DPP9: variants seen among roughly 807,000 people sequenced by gnomAD.
DPP9 encodes the protein dipeptidyl peptidase IV-related protein-2.
DPP9 carries 50 observed loss-of-function variants against 110.7 expected under a neutral mutation model. The observed-to-expected ratio is 0.45, with a 90% CI of 0.36 to 0.57. The LOEUF is 0.57. Ranked by LOEUF, DPP9 falls within the 20% of genes least tolerant of loss-of-function variation. The pLI is 0.00. For synonymous variants in DPP9, 561 were observed against 514.4 expected (o/e 1.09, Z -1.23); for missense variants, 1,022 against 1,217.9 (o/e 0.84, Z 2.39).
In DPP9 at chr19:4,695,134, G is replaced by C. The variant is rs1434911563; in HGVS notation, c.1353+244C>G. 1 of 580,012 alleles carries C rather than the reference G, an allele frequency of 1.7e-6. No homozygotes were observed. The highest frequency in any genetic ancestry group is 1.9e-5 in the African/African-American group (1 of 52,996). The allele number at this position is 580,012 out of a possible 1,614,324, so 35.9% of individuals were successfully genotyped here. A position where few individuals can be genotyped will look rare whatever the true frequency, so the allele number is the denominator to read the frequency against. On this transcript the variant is annotated intron_variant, in intron 12 of 21. Coordinates refer to ENST00000262960, the MANE Select transcript of DPP9 (RefSeq NM_139159.5). This position sits in a 1 kb window ranked among gnomAD's most constrained non-coding sequence, Gnocchi z 4.7. ...CCACTGCACTCTAGTCTGGGCAACA[G>C]AGCAACCCTGTCTCTAATTAAAGAA...
At chr19:4,699,521 G>A (rs1261112086) in intron 10 of DPP9, among the ~76,000 whole-genome samples, 1 of 152,154 alleles carries the variant, frequency 6.6e-6, no homozygotes, top group African/African-American at 2.4e-5. Context: ...GGGATATGCT[G>A]GGCTGCAGGG....
At chr19:4,696,512 G>A (rs1222869605) in intron 11 of DPP9, among the ~76,000 whole-genome samples, 1 of 151,344 alleles carries the variant, frequency 6.6e-6, no homozygotes, top group African/African-American at 2.4e-5. Context: ...TGTAATCCCA[G>A]CACTTTGGGA....
rs2090640600 is a variant in DPP9 at position 4,685,946 on chromosome 19, T to C, written c.1886-175A>G. On this transcript the variant is annotated intron_variant, in intron 16 of 21. Coordinates refer to ENST00000262960, the MANE Select transcript of DPP9 (RefSeq NM_139159.5). This position sits in a 1 kb window ranked among gnomAD's most constrained non-coding sequence, Gnocchi z 5.8. The stretch of plus-strand genomic sequence containing the variant: ...TTTTTTTTTCATTAAATAAGATTTG[T>C]ACAGTTTTTGTAGAGATGGGGTCTT... 1 of 704,378 alleles carries C rather than the reference T, an allele frequency of 1.4e-6. No individual in the cohort carries two copies. The highest frequency in any genetic ancestry group is 2.3e-6 in the Non-Finnish European group (1 of 444,060). The allele number at this position is 704,378 out of a possible 1,614,324, so 43.6% of individuals were successfully genotyped here. A position where few individuals can be genotyped will look rare whatever the true frequency, so the allele number is the denominator to read the frequency against.
At position 4,693,243 on chromosome 19, in the gene DPP9, T is replaced by C. The variant is rs1027171459; in HGVS notation, c.1516+1418A>G. Among the ~76,000 whole-genome samples, 1 of 152,164 alleles carries C rather than the reference T, an allele frequency of 6.6e-6. No individual in the cohort carries two copies. Among genetic ancestry groups the C allele is most frequent in the African/African-American group, 2.4e-5 (1 of 41,532 alleles). On this transcript the variant is annotated intron_variant, in intron 13 of 21. Transcript: ENST00000262960. This position sits in a 1 kb window ranked among gnomAD's most constrained non-coding sequence, Gnocchi z 5.0. Reference sequence around the variant, plus strand: ...CGTCCATGGTGTCCCTGCTCTAACTTTGAAGAGCCTGGGCCGGGCTCCCGG... The same window carrying C: ...CGTCCATGGTGTCCCTGCTCTAACTCTGAAGAGCCTGGGCCGGGCTCCCGG...
chr19:4,687,746 G>A lies in DPP9; in HGVS notation c.1885+1011C>T, dbSNP rs1265147397. Among the ~76,000 whole-genome samples, 4 of 152,196 alleles carry A rather than the reference G, an allele frequency of 2.6e-5. No individual in the cohort carries two copies. The highest frequency in any genetic ancestry group is 5.9e-5 in the Non-Finnish European group (4 of 68,028). On this transcript the variant is annotated intron_variant, in intron 16 of 21. Coordinates refer to ENST00000262960, the MANE Select transcript of DPP9 (RefSeq NM_139159.5). The surrounding 1 kb of genome is among the most constrained non-coding windows in gnomAD (Gnocchi z 4.7). ...GATAACCACGGCGGGTTTCAAACCA[G>A]TGTGGGTGGACTCTGACATCCCGGC...
intron 13 of DPP9, among the ~76,000 whole-genome samples, chr19:4,691,669 A>C (rs2091331334): frequency 4.1e-5 from 5 of 120,626 alleles, no homozygotes; most frequent in Non-Finnish European, 6.9e-5. Context: ...GTAAAACCAG[A>C]CTTTTTTTTT....
Position 4,695,641 on chromosome 19 carries a change from A to T in DPP9, c.1176-86T>A. ...GAGAAGCTGGGGACGCAGCGTCCAA[A>T]CCCGTGTGGAATCAGGGCTGGGCTT... is the stretch of plus-strand genomic sequence containing the variant. On this transcript the variant is annotated intron_variant, in intron 11 of 21. Coordinates refer to ENST00000262960, the MANE Select transcript of DPP9 (RefSeq NM_139159.5). The surrounding 1 kb of genome is among the most constrained non-coding windows in gnomAD (Gnocchi z 4.7). 1 of 1,225,036 alleles carries T rather than the reference A, an allele frequency of 8.2e-7. No homozygotes were observed. The highest frequency in any genetic ancestry group is 3.4e-5 in the Admixed American group (1 of 29,202). The allele number at this position is 1,225,036 out of a possible 1,614,324, so 75.9% of individuals were successfully genotyped here. A position where few individuals can be genotyped will look rare whatever the true frequency, so the allele number is the denominator to read the frequency against.
intron 4 of DPP9, among the ~76,000 whole-genome samples, chr19:4,709,446 CAG>C (rs1274787772): frequency 1.3e-5 from 2 of 152,022 alleles, no homozygotes; most frequent in African/African-American, 2.4e-5. Context: ...TGCGGAGACT[CAG>C]GGGTGAGCAA....
At position 4,704,107 on chromosome 19, in the gene DPP9, C is replaced by T. The variant is rs752429713; in HGVS notation, c.600+24G>A. 1 of 1,613,796 alleles carries T rather than the reference C, an allele frequency of 6.2e-7. No homozygotes were observed. Among genetic ancestry groups the T allele is most frequent in the Admixed American group, 1.7e-5 (1 of 60,026 alleles). On this transcript the variant is annotated intron_variant, in intron 6 of 21. Coordinates refer to ENST00000262960, the MANE Select transcript of DPP9 (RefSeq NM_139159.5). This position sits in a 1 kb window ranked among gnomAD's most constrained non-coding sequence, Gnocchi z 6.0. ...GGAGGGGCCCTCCACGCCACCCCCG[C>T]ACACAGCCAGGGCCAGGGCTCACCA...
intron 4 of DPP9, among the ~76,000 whole-genome samples, chr19:4,708,533 A>G (rs915329008): frequency 6.6e-6 from 1 of 152,232 alleles, no homozygotes; most frequent in African/African-American, 2.4e-5. Flanking sequence ...ACATGGAATC[A>G]GCCTAAATCC....
At position 4,693,600 on chromosome 19, in the gene DPP9, A is replaced by G. The variant is rs1429263266; in HGVS notation, c.1516+1061T>C. Among the ~76,000 whole-genome samples, 1 of 152,046 alleles carries G rather than the reference A, an allele frequency of 6.6e-6. No individual in the cohort carries two copies. The highest frequency in any genetic ancestry group is 1.5e-5 in the Non-Finnish European group (1 of 67,984). ...GCAAACGGTGTGGGCTCAGCTGTCC[A>G]AGCACATCCAGAATCAGACCCACCA... On this transcript the variant is annotated intron_variant, in intron 13 of 21. Transcript: ENST00000262960. This position sits in a 1 kb window ranked among gnomAD's most constrained non-coding sequence, Gnocchi z 5.0.
chr19:4,685,092 T>C lies in DPP9; in HGVS notation c.2032-283A>G, dbSNP rs1182684398. ...AACAACTACTCTGGCATGATGGACA[T>C]TGGGGTGGCTCCTTCTCGGGTGGGG... On this transcript the variant is annotated intron_variant, in intron 17 of 21. Coordinates refer to ENST00000262960, the MANE Select transcript of DPP9 (RefSeq NM_139159.5). The surrounding 1 kb of genome is among the most constrained non-coding windows in gnomAD (Gnocchi z 5.8). The C allele has an allele frequency of 3.2e-5, 20 of 616,256 alleles. No individual in the cohort carries two copies. Among genetic ancestry groups the C allele is most frequent in the Non-Finnish European group, 5.8e-5 (19 of 330,130 alleles). 38.2% of individuals were successfully genotyped at this position (616,256 alleles called of 1,614,324 possible).
In DPP9 at chr19:4,704,134, G is replaced by A; in HGVS notation, c.597C>T (p.Phe199=). Residue 199 remains phenylalanine (F), a synonymous_variant, in exon 6 of 22, where the codon TTC becomes TTT. Transcript: ENST00000262960. This position sits in a 1 kb window ranked among gnomAD's most constrained non-coding sequence, Gnocchi z 6.0. ...CACAGCCAGGGCCAGGGCTCACCAT[G>A]AAGCCGTTCTTGCCGCCGTCGCGGC... ...FHCRDGGKNG[F]MVSPMKPLEI... The A allele has an allele frequency of 6.2e-7, 1 of 1,613,982 alleles. No homozygotes were observed. The highest frequency in any genetic ancestry group is 8.5e-7 in the Non-Finnish European group (1 of 1,179,900).
In DPP9 at chr19:4,676,426, G is replaced by A. The variant is rs2088835126; in HGVS notation, c.*138C>T. ...AAGGCGTCGGGGCGGTGAAGGCAGC[G>A]GCTCCTCGGGGCTGGCCAGCGCTGG... On this transcript the variant is annotated 3_prime_UTR_variant, in exon 22 of 22. Coordinates refer to ENST00000262960, the MANE Select transcript of DPP9 (RefSeq NM_139159.5). This position sits in a 1 kb window ranked among gnomAD's most constrained non-coding sequence, Gnocchi z 4.0. 2.9e-6 allele frequency: 2 copies of A among 699,880 alleles called. No individual in the cohort carries two copies. The highest frequency in any genetic ancestry group is 2.7e-4 in the Middle Eastern group (1 of 3,662). The allele number at this position is 699,880 out of a possible 1,614,324, so 43.4% of individuals were successfully genotyped here.
At chr19:4,683,065 G>A (rs1046584416) in intron 19 of DPP9, 12 of 1,493,402 alleles carry the variant, frequency 8.0e-6, no homozygotes, top group East Asian at 2.6e-5. Flanking sequence ...GCCCCTCCCC[G>A]CCGCCGCAGA....
intron 3 of DPP9, among the ~76,000 whole-genome samples, chr19:4,715,158 T>G (rs2093023404): frequency 6.6e-6 from 1 of 151,662 alleles, no homozygotes; most frequent in African/African-American, 2.4e-5. Context: ...TAGCTGAGAT[T>G]ACAGGTGCCT....
intron 4 of DPP9, among the ~76,000 whole-genome samples, chr19:4,711,031 A>C (rs780531144): frequency 6.6e-6 from 1 of 152,134 alleles, no homozygotes; most frequent in Non-Finnish European, 1.5e-5. Context: ...AATTTGGAGA[A>C]AGTTCCTCCG....
rs1262165564 is a variant in DPP9, at chr19:4,719,879, C to T, written c.28G>A (p.Asp10Asn). 3.2e-6 allele frequency: 5 copies of T among 1,551,766 alleles called. No individual in the cohort carries two copies. Among genetic ancestry groups the T allele is most frequent in the Non-Finnish European group, 4.4e-6 (5 of 1,147,006 alleles). Residue 10 changes from aspartate to asparagine, a missense_variant, in exon 3 of 22, where the codon GAC becomes AAC. By Grantham distance (23) the Asp-to-Asn change is conservative. Coordinates refer to ENST00000262960, the MANE Select transcript of DPP9 (RefSeq NM_139159.5). The part of the protein sequence containing the change: MRKVKKLRL[D>N]KENTGSWRSF... ...CTCCAACTTCCGGTGTTCTCCTTGT[C>T]CAGGCGCAGTTTCTTAACCTTCCGC...
At chr19:4,705,777 C>G in intron 5 of DPP9, 81 bp downstream of exon 5, 1 of 1,380,316 alleles carries the variant, frequency 7.2e-7, no homozygotes, top group Non-Finnish European at 1.0e-6. Flanking sequence ...GAGAGGTGAC[C>G]GAAGGCATGT....
Sources: allele counts gnomAD v4.1 joint callset (sites outside exome capture counted in the v4.1 genomes callset), GRCh38; gene constraint gnomAD v4.1.1; non-coding constraint Gnocchi (gnomAD v3.1); transcripts MANE v1.5; gene names NCBI Gene and HGNC (gene_info 2026-07-23, HGNC 2026-07-21).